Variants in TOP6BL observed in about 807,000 individuals in gnomAD.
TOP6BL encodes the protein type 2 DNA topoisomerase 6 subunit B-like.
the TOP6BL span, among the ~76,000 whole-genome samples, chr11:66,841,806 A>G: frequency 6.6e-6 from 1 of 152,140 alleles, no homozygotes; most frequent in African/African-American, 2.4e-5. Context: ...ATCTTTAAAA[A>G]GTAAAAATTT....
the TOP6BL span, among the ~76,000 whole-genome samples, chr11:66,751,035 A>G: frequency 6.6e-6 from 1 of 151,326 alleles, no homozygotes; most frequent in Non-Finnish European, 1.5e-5. Context: ...ATTAATTTAG[A>G]GACAGGGTCT....
the TOP6BL span, among the ~76,000 whole-genome samples, chr11:66,784,743 C>T: frequency 6.6e-6 from 1 of 152,050 alleles, no homozygotes; most frequent in African/African-American, 2.4e-5. Flanking sequence ...TGAATACTCC[C>T]CATTTGGTTA....
the TOP6BL span, among the ~76,000 whole-genome samples, chr11:66,824,427 T>G: frequency 1.3e-4 from 10 of 74,146 alleles, no homozygotes; most frequent in Non-Finnish European, 2.5e-4. Flanking sequence ...GTATTTATTA[T>G]TATTATTATT....
chr11:66,822,543 C>A, the TOP6BL span: 14 of 1,469,678 alleles, frequency 9.5e-6, no homozygotes, highest in Non-Finnish European at 1.3e-5. Flanking sequence ...CAGTCTCCCC[C>A]TTACTTGTTA....
the TOP6BL span, chr11:66,828,608 T>A: frequency 1.4e-5 from 6 of 423,538 alleles, no homozygotes; most frequent in Non-Finnish European, 2.6e-5. Flanking sequence ...ATTTTTGTTA[T>A]TTCAGGCAGG....
the TOP6BL span, among the ~76,000 whole-genome samples, chr11:66,754,370 C>A: frequency 6.6e-6 from 1 of 152,190 alleles, no homozygotes; most frequent in South Asian, 2.1e-4. Flanking sequence ...ATCTCTTCTA[C>A]TTTCTAGGCA....
the TOP6BL span, among the ~76,000 whole-genome samples, chr11:66,775,883 T>C: frequency 6.6e-6 from 1 of 152,180 alleles, no homozygotes; most frequent in Non-Finnish European, 1.5e-5. Flanking sequence ...TATTTATTTC[T>C]ATAGTCTTAT....
chr11:66,779,058 C>G, the TOP6BL span, among the ~76,000 whole-genome samples: 1 of 152,278 alleles, frequency 6.6e-6, no homozygotes, highest in African/African-American at 2.4e-5. Context: ...ACCATAAAAA[C>G]TCTAGAAGAA....
chr11:66,842,175 C>T, the TOP6BL span, among the ~76,000 whole-genome samples: 2 of 152,178 alleles, frequency 1.3e-5, no homozygotes, highest in African/African-American at 4.8e-5. Context: ...TGCACTCCAG[C>T]CTGGGCAACA....
At chr11:66,753,886 G>C in the TOP6BL span, among the ~76,000 whole-genome samples, 3 of 151,916 alleles carry the variant, frequency 2.0e-5, no homozygotes, top group Non-Finnish European at 4.4e-5. Context: ...TATATTTTTA[G>C]TAGAGACAGA....
At chr11:66,773,070 GTC>G in the TOP6BL span, among the ~76,000 whole-genome samples, 23 of 149,466 alleles carry the variant, frequency 1.5e-4, no homozygotes, top group Admixed American at 2.7e-4. Context: ...TAATTATACA[GTC>G]TCTCTCTCTC....
the TOP6BL span, chr11:66,843,094 G>A: frequency 1.9e-6 from 3 of 1,590,580 alleles, no homozygotes; most frequent in Non-Finnish European, 2.6e-6. Flanking sequence ...GCCGCGCAGG[G>A]AAGGGCTCAG....
the TOP6BL span, chr11:66,815,562 G>A: frequency 2.6e-5 from 4 of 153,334 alleles, no homozygotes; most frequent in African/African-American, 9.7e-5. Context: ...GTTGGACGAG[G>A]TATTTAACCT....
the TOP6BL span, among the ~76,000 whole-genome samples, chr11:66,781,695 G>A: frequency 6.6e-6 from 1 of 151,884 alleles, no homozygotes; most frequent in Non-Finnish European, 1.5e-5. Context: ...GTACCACCAC[G>A]CCCGGCTAAT....
the TOP6BL span, among the ~76,000 whole-genome samples, chr11:66,776,437 T>C: frequency 1.3e-5 from 2 of 152,198 alleles, no homozygotes; most frequent in Non-Finnish European, 2.9e-5. Flanking sequence ...GGGGTAATAT[T>C]AGGCATCTGT....
the TOP6BL span, among the ~76,000 whole-genome samples, chr11:66,826,236 T>C: frequency 1.3e-5 from 2 of 152,216 alleles, no homozygotes; most frequent in Non-Finnish European, 2.9e-5. Context: ...ACTATAATTT[T>C]TACTCATTAT....
the TOP6BL span, among the ~76,000 whole-genome samples, chr11:66,832,657 G>T: frequency 6.6e-6 from 1 of 152,246 alleles, no homozygotes; most frequent in East Asian, 1.9e-4. Flanking sequence ...TCCCAGGAAC[G>T]TGTCCACTGT....
chr11:66,808,537 T>A, the TOP6BL span, among the ~76,000 whole-genome samples: 6,407 of 149,576 alleles, frequency 0.043, 174 homozygotes, highest in Non-Finnish European at 0.067. Context: ...AAAAAAAAAA[T>A]GAAAAATTAT....
chr11:66,798,335 C>A, the TOP6BL span, among the ~76,000 whole-genome samples: 1 of 152,066 alleles, frequency 6.6e-6, no homozygotes, highest in South Asian at 2.1e-4. Context: ...TGTGGTGGCT[C>A]ACACCTGTAA....
Sources: gnomAD v4.1 joint callset for allele counts (sites outside exome capture counted in the v4.1 genomes callset) on GRCh38, gnomAD v4.1.1 for gene constraint, MANE v1.5 for transcripts, NCBI Gene and HGNC (gene_info 2026-07-23, HGNC 2026-07-21) for gene names.